The following SMYD4 variants were observed in gnomAD, a reference collection of about 807,000 sequenced individuals.
SMYD4 encodes protein-lysine N-methyltransferase SMYD4.
SMYD4 carries 68 observed loss-of-function variants against 72.8 expected under a neutral mutation model. That is an observed-to-expected ratio of 0.93 (90% CI 0.77 to 1.14). SMYD4 has a LOEUF of 1.14. Ranked by LOEUF, SMYD4 falls within the 50% of genes most tolerant of loss-of-function variation. The pLI, the probability that SMYD4 is intolerant of heterozygous loss-of-function variation, is 0.00. For missense variants in SMYD4, 984 were observed against 1,003.7 expected, an observed-to-expected ratio of 0.98 and a Z score of 0.27; for synonymous variants, 407 against 388.6, an observed-to-expected ratio of 1.05 and a Z score of -0.56.
At position 1,828,042 on chromosome 17, in the gene SMYD4, T is replaced by C. The variant is rs764909885; in HGVS notation, c.-12-36A>G. 4.4e-6 allele frequency: 7 copies of C among 1,581,658 alleles called. No homozygotes were observed. The Admixed American group carries it at 6.8e-5, about 15-fold the overall frequency. On this transcript the variant is annotated intron_variant, in intron 1 of 10. Coordinates refer to ENST00000305513, the MANE Select transcript of SMYD4 (RefSeq NM_052928.3). ...AGTAAGAAAATAGGAATCTTACAAA[T>C]GCACAATTTTAGAAAATCAAGAGTT...
intron 4 of SMYD4, among the ~76,000 whole-genome samples, chr17:1,802,019 T>C (rs1413502984): frequency 3.9e-5 from 6 of 151,960 alleles, no homozygotes; most frequent in African/African-American, 1.5e-4. Flanking sequence ...CTCTGCCTCT[T>C]ACTAGCCACA....
Position 1,804,619 on chromosome 17 carries a change from TACTC to T in SMYD4, c.369+3_369+6del, listed in dbSNP as rs1471702564. On this transcript the variant is annotated splice_donor_5th_base_variant and intron_variant, in intron 4 of 10. Coordinates refer to ENST00000305513, the MANE Select transcript of SMYD4 (RefSeq NM_052928.3). The stretch of plus-strand genomic sequence containing the variant: ...TGTCCTCTCATACCAGGTATCCTGA[TACTC>T]ACCTCATACTGACCCAGGTGGAAGA... 6.2e-7 allele frequency: 1 copy of T among 1,613,118 alleles called. No individual in the cohort carries two copies.
At position 1,783,383 on chromosome 17, in the gene SMYD4, A is replaced by G. The variant is rs776261816; in HGVS notation, c.2114T>C (p.Leu705Pro). The part of the protein sequence containing the change: ...HAVVGEIADG[L>P]ARACAALGDW... Reference sequence around the variant, plus strand: ...ACCTAAGGCAGCACAGGCCCGGGCCAGGCCATCCGCGATCTCTCCCACCAC... The same window carrying G: ...ACCTAAGGCAGCACAGGCCCGGGCCGGGCCATCCGCGATCTCTCCCACCAC... The change falls in exon 9 of 11, where the codon CTG becomes CCG. Residue 705 changes from leucine (L) to proline (P), a missense_variant. Transcript: ENST00000305513. 1.9e-6 allele frequency: 3 copies of G among 1,612,528 alleles called. No individual in the cohort carries two copies. Among genetic ancestry groups the G allele is most frequent in the African/African-American group, 2.7e-5 (2 of 75,014 alleles).
intron 2 of SMYD4, among the ~76,000 whole-genome samples, chr17:1,812,708 C>A (rs1201739295): frequency 6.6e-6 from 1 of 151,058 alleles, no homozygotes; most frequent in East Asian, 2.0e-4. Context: ...ATCACCAGGC[C>A]CAGCTAATTT....
chr17:1,814,483 AAGTT>A (rs903563624), intron 2 of SMYD4: 6 of 152,282 alleles, frequency 3.9e-5, no homozygotes, highest in South Asian at 2.1e-4. Context: ...GGTAAAAACA[AAGTT>A]AGTATCAAAT....
Position 1,800,010 on chromosome 17 carries a change from T to A in SMYD4, c.1384A>T (p.Ile462Phe). The change falls in exon 5 of 11, where the codon ATC (isoleucine) becomes TTC (phenylalanine). Residue 462 changes from isoleucine (I) to phenylalanine (F), a missense_variant. Ile to Phe is a conservative substitution (Grantham distance 21, BLOSUM62 0). Coordinates refer to ENST00000305513, the MANE Select transcript of SMYD4 (RefSeq NM_052928.3). Reference sequence around the variant, plus strand: ...GAGTTCACAATCCTCTCAGTTGGGATGGCCTGTAAACTGGCTGCTTCTAGC... The same window carrying A: ...GAGTTCACAATCCTCTCAGTTGGGAAGGCCTGTAAACTGGCTGCTTCTAGC... Reference protein sequence around the residue: ...RQLEAASLQAIPTERIVNSSQ... With the variant: ...RQLEAASLQAFPTERIVNSSQ... 6.2e-7 allele frequency: 1 copy of A among 1,614,190 alleles called. No homozygotes were observed. Among genetic ancestry groups the A allele is most frequent in the East Asian group, 2.2e-5 (1 of 44,876 alleles).
chr17:1,799,933 A>G lies in SMYD4; in HGVS notation c.1461T>C (p.Ile487=), dbSNP rs761881957. The change falls in exon 5 of 11, where the codon ATT becomes ATC. Residue 487 remains isoleucine (I), a synonymous_variant. Transcript: ENST00000305513. ...VTPELCPDVT[I]WGVAMLRHML... is the part of the protein sequence containing the mutation. ...TGTGTCTCAGCATCGCCACTCCCCA[A>G]ATAGTCACGTCAGGACACAATTCAG... 4 of 1,613,934 alleles carry G rather than the reference A, an allele frequency of 2.5e-6. No individual in the cohort carries two copies. Among genetic ancestry groups the G allele is most frequent in the Non-Finnish European group, 2.5e-6 (3 of 1,179,932 alleles).
rs773215163 is a variant in SMYD4, at chr17:1,784,422, C to T, written c.1924G>A (p.Glu642Lys). The change falls in exon 8 of 11, where the codon GAA (glutamate) becomes AAA (lysine). Residue 642 changes from glutamate (E) to lysine (K), a missense_variant. Coordinates refer to ENST00000305513, the MANE Select transcript of SMYD4 (RefSeq NM_052928.3). ...AGGTGGTCCCTGCTGACGGCGGATT[C>T]TGCACAAGATCTGCTGCCACAGCGC... ...VLRCGSRSCA[E>K]SAVSRDHLVS... 2 of 1,614,228 alleles carry T rather than the reference C, an allele frequency of 1.2e-6. No homozygotes were observed. Among genetic ancestry groups the T allele is most frequent in the South Asian group, 2.2e-5 (2 of 91,086 alleles).
intron 7 of SMYD4, 129 bp downstream of exon 7, chr17:1,786,681 C>A: frequency 9.1e-7 from 1 of 1,103,258 alleles, no homozygotes; most frequent in South Asian, 1.5e-5. Context: ...GGATGACTGG[C>A]TAAAATGGAG....
intron 1 of SMYD4, among the ~76,000 whole-genome samples, chr17:1,828,226 T>G (rs1457774851): frequency 1.3e-5 from 2 of 151,646 alleles, no homozygotes; most frequent in Non-Finnish European, 2.9e-5. Flanking sequence ...TGGCGCACAC[T>G]TGTAGTCCCA....
chr17:1,788,542 G>A (rs919901549), intron 5 of SMYD4, among the ~76,000 whole-genome samples: 3 of 151,506 alleles, frequency 2.0e-5, no homozygotes, highest in African/African-American at 4.9e-5. Flanking sequence ...TCAGGAGATC[G>A]AGACCATCCT....
At chr17:1,790,167 A>C (rs1908943696) in intron 5 of SMYD4, among the ~76,000 whole-genome samples, 1 of 152,224 alleles carries the variant, frequency 6.6e-6, no homozygotes, top group African/African-American at 2.4e-5. Flanking sequence ...CTGGCAATCT[A>C]TATTAGAACC....
rs1402771265 is a variant in SMYD4 at position 1,800,756 on chromosome 17, G to C, written c.638C>G (p.Ala213Gly). 2 of 1,614,180 alleles carry C rather than the reference G, an allele frequency of 1.2e-6. No homozygotes were observed. Among genetic ancestry groups the C allele is most frequent in the Non-Finnish European group, 8.5e-7 (1 of 1,180,034 alleles). Reference protein sequence around the residue: ...SLTESFPAALAKTLEDAALRE... With the variant: ...SLTESFPAALGKTLEDAALRE... Reference sequence around the variant, plus strand: ...CAGCGCTGCATCCTCAAGGGTTTTGGCCAGAGCTGCTGGGAAGCTTTCTGT... The same window carrying C: ...CAGCGCTGCATCCTCAAGGGTTTTGCCCAGAGCTGCTGGGAAGCTTTCTGT... Residue 213 changes from alanine to glycine, a missense_variant, in exon 5 of 11, where the codon GCC becomes GGC. Physicochemically the swap from Ala to Gly is moderately conservative, Grantham distance 60 (BLOSUM62 0). Coordinates refer to ENST00000305513, the MANE Select transcript of SMYD4 (RefSeq NM_052928.3).
intron 2 of SMYD4, among the ~76,000 whole-genome samples, chr17:1,821,493 G>C (rs1039296461): frequency 1.3e-5 from 2 of 152,048 alleles, no homozygotes; most frequent in African/African-American, 4.8e-5. Flanking sequence ...CAGGCTGGGT[G>C]ACAAGAGCGA....
At chr17:1,796,043 T>G (rs1214670895) in intron 5 of SMYD4, among the ~76,000 whole-genome samples, 1 of 152,102 alleles carries the variant, frequency 6.6e-6, no homozygotes, top group Non-Finnish European at 1.5e-5. Context: ...AAAGCCGATG[T>G]CTCCAAACCA....
chr17:1,793,171 C>A (rs1459468756), intron 5 of SMYD4, among the ~76,000 whole-genome samples: 3 of 152,100 alleles, frequency 2.0e-5, no homozygotes, highest in African/African-American at 4.8e-5. Flanking sequence ...CCTGCCTCAG[C>A]CTTCCAAAGT....
chr17:1,824,433 T>C (rs768547968), intron 2 of SMYD4, among the ~76,000 whole-genome samples: 1 of 151,942 alleles, frequency 6.6e-6, no homozygotes, highest in Admixed American at 6.6e-5. Context: ...TAGAAACAAA[T>C]TTGTGGATAA....
chr17:1,783,663 G>C, intron 8 of SMYD4, 187 bp from the exon 9 acceptor site: 3 of 1,074,310 alleles, frequency 2.8e-6, no homozygotes, highest in Non-Finnish European at 3.9e-6. Flanking sequence ...TTCTCTGTCA[G>C]TGGAGAAAGG....
intron 3 of SMYD4, among the ~76,000 whole-genome samples, chr17:1,805,955 G>A (rs1403008313): frequency 1.4e-5 from 2 of 140,742 alleles, no homozygotes; most frequent in Admixed American, 7.3e-5. Context: ...ACGGAGTCTC[G>A]CTCTGTCGCC....
Sources: allele counts gnomAD v4.1 joint callset (sites outside exome capture counted in the v4.1 genomes callset), GRCh38; gene constraint gnomAD v4.1.1; transcripts MANE v1.5; gene names NCBI Gene and HGNC (gene_info 2026-07-23, HGNC 2026-07-21).